The following MITF variants were observed in gnomAD, a reference collection of about 807,000 sequenced individuals.
The protein encoded by MITF is microphthalmia-associated transcription factor.
In MITF, 17 loss-of-function variants were observed where a neutral mutation model predicts 60.5. The observed-to-expected ratio is 0.28, with a 90% CI of 0.19 to 0.42. The LOEUF (loss-of-function observed/expected upper bound fraction) is 0.42, where lower values mean the gene tolerates loss of function less well. Among genes scored for constraint, MITF ranks in the 10% least tolerant of loss-of-function variants. The pLI, the probability that MITF is intolerant of heterozygous loss-of-function variation, is 1.00. For missense variants in MITF, 622 were observed against 683.5 expected (o/e 0.91, Z 1.00); for synonymous variants, 260 against 248.5 (o/e 1.05, Z -0.43).
At chr3:69,951,932 C>T (rs754549950) in intron 7 of MITF, 46 bp downstream of exon 7, 2 of 1,372,666 alleles carry the variant, frequency 1.5e-6, no homozygotes, top group Non-Finnish European at 1.0e-6. Flanking sequence ...ATTAATGTTC[C>T]CCATATATCA....
At chr3:69,775,917 G>A (rs1208096899) in intron 1 of MITF, among the ~76,000 whole-genome samples, 1 of 152,176 alleles carries the variant, frequency 6.6e-6, no homozygotes, top group Non-Finnish European at 1.5e-5. Flanking sequence ...TCCCAAGCTC[G>A]GTTGGCATTT....
intron 1 of MITF, among the ~76,000 whole-genome samples, chr3:69,785,458 G>A (rs1169415581): frequency 6.6e-6 from 1 of 152,212 alleles, no homozygotes; most frequent in African/African-American, 2.4e-5. Context: ...CACATGACCA[G>A]TAAGCAATCC....
intron 9 of MITF, among the ~76,000 whole-genome samples, chr3:69,964,103 A>G (rs979778906): frequency 1.3e-5 from 2 of 150,030 alleles, no homozygotes; most frequent in African/African-American, 2.5e-5. Flanking sequence ...CAGCCTCCCA[A>G]GTAGCTGGGA....
chr3:69,760,081 A>T (rs1480841537), intron 1 of MITF, among the ~76,000 whole-genome samples: 1 of 152,192 alleles, frequency 6.6e-6, no homozygotes, highest in Non-Finnish European at 1.5e-5. Flanking sequence ...CCCAGCCCTG[A>T]TCTCTCATTT....
intron 1 of MITF, among the ~76,000 whole-genome samples, chr3:69,841,048 A>G (rs1193791024): frequency 6.6e-6 from 1 of 152,100 alleles, no homozygotes; most frequent in African/African-American, 2.4e-5. Flanking sequence ...GAGCCACCAC[A>G]CCAGGCCTCT....
intron 1 of MITF, among the ~76,000 whole-genome samples, chr3:69,804,594 G>A (rs2062975464): frequency 6.6e-6 from 1 of 152,162 alleles, no homozygotes; most frequent in African/African-American, 2.4e-5. Flanking sequence ...GAAAGTTTAT[G>A]TACGAAAGTG....
rs567842156 is a variant in MITF, at chr3:69,949,092, A to T, written c.804A>T (p.Gln268His). The T allele has an allele frequency of 1.2e-5, 19 of 1,613,628 alleles. No individual in the cohort carries two copies. Among genetic ancestry groups the T allele is most frequent in the Non-Finnish European group, 1.5e-5 (18 of 1,179,842 alleles). Residue 268 changes from glutamine (Q) to histidine (H), a missense_variant, in exon 6 of 10, where the codon CAA (glutamine) becomes CAT (histidine). By Grantham distance (24) the Gln-to-His change is conservative. Transcript: ENST00000352241. ...SGNLIDLYGN[Q>H]GLPPPGLTIS... ...ACTTGATTGATCTTTATGGAAACCA[A>T]GGTCTGCCCCCACCAGGCCTCACCA...
intron 1 of MITF, among the ~76,000 whole-genome samples, chr3:69,754,542 C>T (rs1360886906): frequency 1.3e-5 from 2 of 152,148 alleles, no homozygotes; most frequent in African/African-American, 2.4e-5. Context: ...TTGTAACTTT[C>T]CTGAGGCCAA....
intron 1 of MITF, among the ~76,000 whole-genome samples, chr3:69,804,410 CG>C (rs2062972564): frequency 6.6e-6 from 1 of 151,634 alleles, no homozygotes; most frequent in Admixed American, 6.6e-5. Flanking sequence ...TGCACCCTTT[CG>C]GGGTTGAGGC....
chr3:69,965,091 C>A lies in MITF; in HGVS notation c.1424C>A (p.Thr475Lys). ...TEANQAYSVP[T>K]KMGSKLEDIL... ...GCCAACCAAGCCTATAGTGTCCCCA[C>A]AAAAATGGGATCCAAACTGGAAGAC... Residue 475 changes from threonine (T) to lysine (K), a missense_variant, in exon 10 of 10, where the codon ACA becomes AAA. Coordinates refer to ENST00000352241, the MANE Select transcript of MITF (RefSeq NM_001354604.2). 1 of 1,614,124 alleles carries A rather than the reference C, an allele frequency of 6.2e-7. No individual in the cohort carries two copies. The highest frequency in any genetic ancestry group is 8.5e-7 in the Non-Finnish European group (1 of 1,180,026).
chr3:69,965,925 TG>T lies in MITF; in HGVS notation c.*678del, dbSNP rs1380036457. On this transcript the variant is annotated 3_prime_UTR_variant, in exon 10 of 10. Coordinates refer to ENST00000352241, the MANE Select transcript of MITF (RefSeq NM_001354604.2). Reference sequence around the variant, plus strand: ...GGCTCTGAAATATAAAGTCTAATCTTGCTCTCTTTTATTCTGTGCTGTTACA... The same window carrying T: ...GGCTCTGAAATATAAAGTCTAATCTTCTCTCTTTTATTCTGTGCTGTTACA... The T allele has an allele frequency of 8.6e-6, 2 of 231,776 alleles. No individual in the cohort carries two copies. The highest frequency in any genetic ancestry group is 4.4e-5 in the African/African-American group (2 of 45,288). 14.4% of individuals were successfully genotyped at this position (231,776 alleles called of 1,614,324 possible).
chr3:69,751,862 G>A (rs1012723733), intron 1 of MITF, among the ~76,000 whole-genome samples: 1 of 152,098 alleles, frequency 6.6e-6, no homozygotes. Context: ...GGGTCATGGA[G>A]GCAGTTTCTC....
chr3:69,822,845 A>G (rs1423163438), intron 1 of MITF, among the ~76,000 whole-genome samples: 1 of 149,662 alleles, frequency 6.7e-6, no homozygotes, highest in Non-Finnish European at 1.5e-5. Context: ...TCATTACTCA[A>G]CCCCGTCTTA....
At chr3:69,907,978 T>C (rs1048311722) in intron 2 of MITF, among the ~76,000 whole-genome samples, 1 of 152,190 alleles carries the variant, frequency 6.6e-6, no homozygotes, top group African/African-American at 2.4e-5. Flanking sequence ...ATTTTAAGAG[T>C]TTCATTTCAA....
intron 2 of MITF, among the ~76,000 whole-genome samples, chr3:69,928,993 A>G (rs2065655697): frequency 6.6e-6 from 1 of 152,070 alleles, no homozygotes; most frequent in South Asian, 2.1e-4. Flanking sequence ...TTATCATGTG[A>G]AGTAGGGTGG....
At chr3:69,763,610 C>G (rs898903150) in intron 1 of MITF, 2 of 1,213,286 alleles carry the variant, frequency 1.6e-6, no homozygotes, top group African/African-American at 1.6e-5. Flanking sequence ...GGCAGAACGT[C>G]TGCAATCGCA....
chr3:69,954,177 G>C (rs1330588308), intron 7 of MITF, among the ~76,000 whole-genome samples: 5 of 152,076 alleles, frequency 3.3e-5, no homozygotes, highest in African/African-American at 1.2e-4. Context: ...TCAGCTATAT[G>C]CTGGTGAGTG....
intron 1 of MITF, 28 bp from the exon 2 acceptor site, chr3:69,879,106 T>C: frequency 6.3e-7 from 1 of 1,594,560 alleles, no homozygotes; most frequent in South Asian, 1.1e-5. Flanking sequence ...GGAAACTAAA[T>C]GTTGTATGCA....
chr3:69,845,981 T>G (rs1303088660), intron 1 of MITF, among the ~76,000 whole-genome samples: 13 of 152,198 alleles, frequency 8.5e-5, no homozygotes, highest in Admixed American at 8.5e-4. Context: ...ACTGTTCTGG[T>G]GCTGGGAATA....
Sources: gnomAD v4.1 joint callset for allele counts (sites outside exome capture counted in the v4.1 genomes callset) on GRCh38, gnomAD v4.1.1 for gene constraint, MANE v1.5 for transcripts, NCBI Gene and HGNC (gene_info 2026-07-23, HGNC 2026-07-21) for gene names.